FAM114A1: variants seen among roughly 807,000 people sequenced by gnomAD.
FAM114A1 encodes family with sequence similarity 114 member A1.
A neutral mutation model predicts 64.3 loss-of-function variants in FAM114A1; 62 were observed. The ratio of observed to expected loss-of-function variants is 0.96; its 90% CI spans 0.79 to 1.19. The LOEUF is 1.19. Among genes scored for constraint, FAM114A1 ranks in the 50% most tolerant of loss-of-function variants. The pLI, the probability that FAM114A1 is intolerant of heterozygous loss-of-function variation, is 0.00. For synonymous variants in FAM114A1, 254 were observed against 251.1 expected (o/e 1.01, Z -0.11); for missense variants, 645 against 676.3 (o/e 0.95, Z 0.51).
At chr4:38,891,657 C>A in intron 3 of FAM114A1, 86 bp from the exon 4 acceptor site, 1 of 1,177,194 alleles carries the variant, frequency 8.5e-7, no homozygotes, top group South Asian at 1.6e-5. Context: ...CTTTTCCAAA[C>A]CTCCTCTTTG....
At chr4:38,886,288 C>T (rs1326143884) in intron 3 of FAM114A1, among the ~76,000 whole-genome samples, 1 of 151,650 alleles carries the variant, frequency 6.6e-6, no homozygotes, top group African/African-American at 2.4e-5. Flanking sequence ...TCTCCTGCCT[C>T]AGCCTCCCGA....
In FAM114A1 at chr4:38,869,735, TG is replaced by T. The variant is rs1288972815; in HGVS notation, c.-9+1194del. Among the ~76,000 whole-genome samples, 5 of 151,712 alleles carry T rather than the reference TG, an allele frequency of 3.3e-5. No individual in the cohort carries two copies. In the South Asian group the frequency reaches 1.0e-3, roughly 32 times the overall value. On this transcript the variant is annotated intron_variant, in intron 2 of 14. Coordinates refer to ENST00000358869, the MANE Select transcript of FAM114A1 (RefSeq NM_138389.4). ...ACTGTTTTTGTTTTTTTTTTTTAAC[TG>T]GGGGAGATGACCTCACACAGGATAT...
chr4:38,883,529 C>T (rs1025864958), intron 3 of FAM114A1, among the ~76,000 whole-genome samples: 2 of 151,992 alleles, frequency 1.3e-5, no homozygotes, highest in Non-Finnish European at 2.9e-5. Flanking sequence ...CGCATAAGGC[C>T]GATTATGGAG....
chr4:38,890,411 A>AAC (rs1716233640), intron 3 of FAM114A1, among the ~76,000 whole-genome samples: 2 of 151,766 alleles, frequency 1.3e-5, no homozygotes, highest in East Asian at 3.9e-4. Context: ...CAAAAAAAAA[A>AAC]ACAAAAAAAA....
intron 2 of FAM114A1, among the ~76,000 whole-genome samples, chr4:38,873,720 A>G (rs1335993465): frequency 1.3e-5 from 2 of 152,226 alleles, no homozygotes; most frequent in Non-Finnish European, 2.9e-5. Flanking sequence ...TCTCTTGTGG[A>G]TGTGCCAGGC....
Position 38,882,178 on chromosome 4 carries a change from G to C in FAM114A1, c.348+3752G>C, listed in dbSNP as rs573367108. ...ATACAAAAAATTAGCCGGGCGCGGT[G>C]GTGGGCGCCTGTAGTCCCAGCTACT... On this transcript the variant is annotated intron_variant, in intron 3 of 14. Coordinates refer to ENST00000358869, the MANE Select transcript of FAM114A1 (RefSeq NM_138389.4). 3.4e-5 allele frequency among the ~76,000 whole-genome samples: 5 copies of C among 146,628 alleles called. No homozygotes were observed. The East Asian group carries it at 9.8e-4, about 29-fold the overall frequency.
chr4:38,908,745 G>A lies in FAM114A1; in HGVS notation c.792+19G>A, dbSNP rs1316303818. 3 of 1,520,772 alleles carry A rather than the reference G, an allele frequency of 2.0e-6. No individual in the cohort carries two copies. In the Admixed American group the frequency reaches 5.6e-5, roughly 28 times the overall value. The allele number at this position is 1,520,772 out of a possible 1,614,324, so 94.2% of individuals were successfully genotyped here. On this transcript the variant is annotated intron_variant, in intron 7 of 14. Coordinates refer to ENST00000358869, the MANE Select transcript of FAM114A1 (RefSeq NM_138389.4). The stretch of plus-strand genomic sequence containing the variant: ...GTCTCAGGTTGGATTATATACGTTT[G>A]CAATTTTTTCTTTCAGTCAATAAAG...
chr4:38,925,370 AC>A (rs1341989371), intron 9 of FAM114A1, among the ~76,000 whole-genome samples: 1 of 152,202 alleles, frequency 6.6e-6, no homozygotes, highest in Non-Finnish European at 1.5e-5. Context: ...GAGTGTCACA[AC>A]CCCAGAAAGG....
intron 4 of FAM114A1, among the ~76,000 whole-genome samples, chr4:38,900,960 G>T (rs1251674190): frequency 6.6e-6 from 1 of 151,774 alleles, no homozygotes; most frequent in African/African-American, 2.4e-5. Flanking sequence ...AAAAAAAATG[G>T]AGTAAAAATT....
At chr4:38,872,212 C>T (rs1032187408) in intron 2 of FAM114A1, among the ~76,000 whole-genome samples, 6 of 152,112 alleles carry the variant, frequency 3.9e-5, no homozygotes, top group Admixed American at 2.0e-4. Context: ...TACTAAAGAC[C>T]CCTGGATAGT....
At chr4:38,932,858 T>A (rs1720772350) in intron 12 of FAM114A1, among the ~76,000 whole-genome samples, 2 of 67,208 alleles carry the variant, frequency 3.0e-5, no homozygotes, top group South Asian at 2.0e-3. Flanking sequence ...GAAATAAGGA[T>A]TTTTTTTTTT....
At chr4:38,915,285 A>C (rs1718938344) in intron 8 of FAM114A1, among the ~76,000 whole-genome samples, 1 of 152,028 alleles carries the variant, frequency 6.6e-6, no homozygotes, top group African/African-American at 2.4e-5. Flanking sequence ...CCCAGCTCCA[A>C]AAAGGCCTGC....
rs1409853240 is a variant in FAM114A1 at position 38,935,623 on chromosome 4, A to C, written c.1464-95A>C. On this transcript the variant is annotated intron_variant, in intron 12 of 14. Coordinates refer to ENST00000358869, the MANE Select transcript of FAM114A1 (RefSeq NM_138389.4). ...TTCAAGCATGTGTGGCATTCTTTTA[A>C]ATGTCATACTGAATTAGTATCAGAA... 3 of 829,856 alleles carry C rather than the reference A, an allele frequency of 3.6e-6. No homozygotes were observed. In the Admixed American group the frequency reaches 8.8e-5, roughly 24 times the overall value. 51.4% of individuals were successfully genotyped at this position (829,856 alleles called of 1,614,324 possible).
At chr4:38,868,027 G>A (rs1240712150) in intron 1 of FAM114A1, 193 bp downstream of exon 1, 1 of 424,460 alleles carries the variant, frequency 2.4e-6, no homozygotes, top group Non-Finnish European at 4.8e-6. Flanking sequence ...GGGCGGCGCG[G>A]CCGAGGGACC....
intron 9 of FAM114A1, among the ~76,000 whole-genome samples, chr4:38,923,298 A>G (rs1719796371): frequency 7.0e-6 from 1 of 142,798 alleles, no homozygotes; most frequent in African/African-American, 2.6e-5. Context: ...ATATCGGCTC[A>G]CTGCAACCTC....
intron 1 of FAM114A1, chr4:38,868,144 T>A (rs750126426): frequency 4.2e-6 from 1 of 237,078 alleles, no homozygotes; most frequent in East Asian, 1.1e-4. Context: ...CCCCTCGGCC[T>A]GCGTGAACCT....
At chr4:38,878,485 C>T in intron 3 of FAM114A1, 59 bp downstream of exon 3, 2 of 1,459,774 alleles carry the variant, frequency 1.4e-6, no homozygotes, top group Non-Finnish European at 1.9e-6. Flanking sequence ...CTACCGTGTG[C>T]AGAGCTAGCA....
chr4:38,917,138 T>C lies in FAM114A1; in HGVS notation c.945+2065T>C, dbSNP rs190338763. ...GGCCAACATGGTGAAGCCCCATCTCTACTAAAAATACAAATAAATAAATAA... is the reference window on the plus strand; with the variant it reads ...GGCCAACATGGTGAAGCCCCATCTCCACTAAAAATACAAATAAATAAATAA... On this transcript the variant is annotated intron_variant, in intron 8 of 14. Transcript: ENST00000358869. 4.6e-3 allele frequency among the ~76,000 whole-genome samples: 563 copies of C among 122,094 alleles called. 3 individuals carry two copies. Among genetic ancestry groups the C allele is most frequent in the African/African-American group, 0.015 (424 of 27,630 alleles). The allele number at this position is 122,094 out of a possible 152,430, so 80.1% of individuals were successfully genotyped here. A position where few individuals can be genotyped will look rare whatever the true frequency, so the allele number is the denominator to read the frequency against.
At position 38,923,224 on chromosome 4, in the gene FAM114A1, C is replaced by CTTTTT. The variant is rs55688191; in HGVS notation, c.1069+345_1069+349dup. On this transcript the variant is annotated intron_variant, in intron 9 of 14. Transcript: ENST00000358869. ...CTGATGACTAGAGTTTATGCTGCCA[C>CTTTTT]TTTTTTTTTTTTTTTTTTGAGATGG... Among the ~76,000 whole-genome samples, 95 of 131,732 alleles carry CTTTTT rather than the reference C, an allele frequency of 7.2e-4. 6 individuals are homozygous for CTTTTT. The highest frequency in any genetic ancestry group is 1.2e-3 in the Non-Finnish European group (77 of 62,746). The allele number at this position is 131,732 out of a possible 152,430, so 86.4% of individuals were successfully genotyped here. A position where few individuals can be genotyped will look rare whatever the true frequency, so the allele number is the denominator to read the frequency against.
Sources: gnomAD v4.1 joint callset for allele counts (sites outside exome capture counted in the v4.1 genomes callset) on GRCh38, gnomAD v4.1.1 for gene constraint, MANE v1.5 for transcripts, NCBI Gene and HGNC (gene_info 2026-07-23, HGNC 2026-07-21) for gene names.